Variants in SYT1 observed in about 807,000 individuals in gnomAD.
SYT1 encodes synaptotagmin 1, also known as synaptotagmin-1.
In SYT1, 8 loss-of-function variants were observed where a neutral mutation model predicts 44.8. That is an observed-to-expected ratio of 0.18 (90% confidence interval 0.10 to 0.32). The LOEUF (loss-of-function observed/expected upper bound fraction) is 0.32. SYT1 is among the 10% of genes least tolerant of loss of function. SYT1 has a pLI of 1.00. For missense variants in SYT1, 286 were observed against 509.3 expected, an observed-to-expected ratio of 0.56 and a Z score of 4.22; for synonymous variants, 154 against 188.8, an observed-to-expected ratio of 0.82 and a Z score of 1.51.
chr12:79,321,090 T>A (rs1400655607), intron 8 of SYT1, among the ~76,000 whole-genome samples: 1 of 152,186 alleles, frequency 6.6e-6, no homozygotes, highest in Non-Finnish European at 1.5e-5. Context: ...TTAATTTAAA[T>A]CTGAAATAAC....
At chr12:79,218,984 T>C (rs1474191291) in intron 4 of SYT1, among the ~76,000 whole-genome samples, 2 of 152,194 alleles carry the variant, frequency 1.3e-5, no homozygotes, top group Admixed American at 1.3e-4. Flanking sequence ...CCACCAACAG[T>C]GTGCAAGGGT....
chr12:79,285,732 A>G (rs1565890763), intron 4 of SYT1, 55 bp from the exon 5 acceptor site: 2 of 1,364,204 alleles, frequency 1.5e-6, no homozygotes, highest in East Asian at 4.7e-5. Context: ...ATGAGTTAAA[A>G]GGTTTTCCAC....
chr12:78,881,731 A>T (rs1401901842), intron 1 of SYT1, among the ~76,000 whole-genome samples: 1 of 151,550 alleles, frequency 6.6e-6, no homozygotes, highest in Non-Finnish European at 1.5e-5. Context: ...AGAAAAGAGG[A>T]GAGGAGATGA....
At chr12:78,951,907 G>A (rs1004697130) in intron 1 of SYT1, among the ~76,000 whole-genome samples, 4 of 152,068 alleles carry the variant, frequency 2.6e-5, no homozygotes, top group Non-Finnish European at 5.9e-5. Flanking sequence ...CTGTTCTAAT[G>A]ACCACACTCA....
chr12:78,931,239 G>GA (rs1216203775), intron 1 of SYT1, among the ~76,000 whole-genome samples: 796 of 28,184 alleles, frequency 0.028, 41 homozygotes, highest in African/African-American at 0.043. Flanking sequence ...AAGAAAGAAA[G>GA]AAGGAAGGAA....
intron 8 of SYT1, among the ~76,000 whole-genome samples, chr12:79,334,359 T>C (rs544825065): frequency 4.7e-4 from 71 of 152,208 alleles, no homozygotes; most frequent in Middle Eastern, 6.8e-3. Context: ...GGGAGAAAGG[T>C]GAGCAGATAT....
intron 8 of SYT1, among the ~76,000 whole-genome samples, chr12:79,312,612 G>A (rs1278257819): frequency 6.6e-6 from 1 of 152,084 alleles, no homozygotes; most frequent in Non-Finnish European, 1.5e-5. Flanking sequence ...CTAATCTTAG[G>A]TAGTCTTATG....
chr12:79,155,173 T>C (rs1001377812), intron 3 of SYT1, among the ~76,000 whole-genome samples: 2 of 152,164 alleles, frequency 1.3e-5, no homozygotes, highest in African/African-American at 4.8e-5. Flanking sequence ...TAAAGAACTA[T>C]GTTCATTGCC....
intron 8 of SYT1, among the ~76,000 whole-genome samples, chr12:79,340,403 T>G (rs1472046136): frequency 6.6e-6 from 1 of 152,196 alleles, no homozygotes; most frequent in Admixed American, 6.5e-5. Flanking sequence ...GTAAGTTGGA[T>G]TCCTAGGTAT....
chr12:79,291,604 G>T (rs1012435349), intron 5 of SYT1, among the ~76,000 whole-genome samples: 3 of 152,176 alleles, frequency 2.0e-5, no homozygotes, highest in African/African-American at 4.8e-5. Flanking sequence ...ATGTAGCGAT[G>T]ATATTTTATA....
At chr12:79,250,560 C>T (rs966998818) in intron 4 of SYT1, among the ~76,000 whole-genome samples, 1 of 152,138 alleles carries the variant, frequency 6.6e-6, no homozygotes, top group South Asian at 2.1e-4. Context: ...ATTTATACTG[C>T]AGCAACAATA....
At chr12:79,330,994 GTTCCTTA>G (rs1056979209) in intron 8 of SYT1, among the ~76,000 whole-genome samples, 1 of 152,136 alleles carries the variant, frequency 6.6e-6, no homozygotes, top group Non-Finnish European at 1.5e-5. Context: ...GTTTCCTGCA[GTTCCTTA>G]TTCATAAACC....
intron 3 of SYT1, among the ~76,000 whole-genome samples, chr12:79,149,112 C>A (rs1488543347): frequency 6.6e-6 from 1 of 152,060 alleles, no homozygotes; most frequent in East Asian, 1.9e-4. Context: ...ATCAGATTTA[C>A]AATGCCTGAA....
At chr12:79,419,077 C>T (rs529521600) in intron 9 of SYT1, among the ~76,000 whole-genome samples, 2 of 152,272 alleles carry the variant, frequency 1.3e-5, no homozygotes, top group East Asian at 3.9e-4. Flanking sequence ...TCAGCTTACA[C>T]ATCCCACTAA....
intron 3 of SYT1, among the ~76,000 whole-genome samples, chr12:79,086,371 G>T (rs184865028): frequency 6.6e-6 from 1 of 152,222 alleles, no homozygotes; most frequent in East Asian, 1.9e-4. Context: ...AATATAAAAT[G>T]TGATTAGTTT....
At chr12:79,017,686 G>T (rs1261425432) in intron 2 of SYT1, among the ~76,000 whole-genome samples, 1 of 152,042 alleles carries the variant, frequency 6.6e-6, no homozygotes, top group African/African-American at 2.4e-5. Context: ...AAGAGGTTAG[G>T]CTGATAAAGG....
intron 3 of SYT1, among the ~76,000 whole-genome samples, chr12:79,211,165 A>G (rs1843249134): frequency 6.6e-6 from 1 of 152,150 alleles, no homozygotes; most frequent in Admixed American, 6.5e-5. Flanking sequence ...AGATTTCTTA[A>G]AGAAAAACTG....
At chr12:79,273,594 G>C (rs1878549654) in intron 4 of SYT1, among the ~76,000 whole-genome samples, 1 of 152,276 alleles carries the variant, frequency 6.6e-6, no homozygotes, top group South Asian at 2.1e-4. Flanking sequence ...TCAGGCCACA[G>C]GGGAGCGCCT....
At chr12:79,119,177 TATC>T (rs1879457972) in intron 3 of SYT1, among the ~76,000 whole-genome samples, 1 of 152,218 alleles carries the variant, frequency 6.6e-6, no homozygotes, top group Admixed American at 6.5e-5. Flanking sequence ...TTATTGTGTC[TATC>T]ATCATATCCT....
Sources: allele counts gnomAD v4.1 joint callset (sites outside exome capture counted in the v4.1 genomes callset), GRCh38; gene constraint gnomAD v4.1.1; transcripts MANE v1.5; gene names NCBI Gene and HGNC (gene_info 2026-07-23, HGNC 2026-07-21).